ELAC1: variants seen among roughly 807,000 people sequenced by gnomAD.
ELAC1 encodes the protein elaC ribonuclease Z 1.
ELAC1 carries 19 observed loss-of-function variants against 25.8 expected under a neutral mutation model. That is an observed-to-expected ratio of 0.74 (90% confidence interval 0.51 to 1.08). The LOEUF is 1.08. Among genes scored for constraint, ELAC1 ranks in the 50% least tolerant of loss-of-function variants. The pLI is 0.00. For synonymous variants in ELAC1, 148 were observed against 160.9 expected, an observed-to-expected ratio of 0.92 and a Z score of 0.61; for missense variants, 403 against 434.6, an observed-to-expected ratio of 0.93 and a Z score of 0.65.
chr18:50,982,325 G>T (rs1907973459), intron 2 of ELAC1, among the ~76,000 whole-genome samples: 1 of 152,210 alleles, frequency 6.6e-6, no homozygotes. Context: ...CAATCAGCCT[G>T]TGCCAATCTG....
rs370472349 is a variant in ELAC1 at position 50,974,495 on chromosome 18, G to A, written c.91G>A (p.Glu31Lys). ...TGCTGTGGTCCTTCGGTGTGAAGGC[G>A]AGTGCTGGCTCTTTGACTGTGGGGA... ...ASAVVLRCEG[E>K]CWLFDCGEGT... The change falls in exon 2 of 4, where the codon GAG becomes AAG. Residue 31 changes from glutamate (E) to lysine (K), a missense_variant. By Grantham distance (56) the Glu-to-Lys change is moderately conservative (BLOSUM62 1). Transcript: ENST00000269466. 3 of 1,612,162 alleles carry A rather than the reference G, an allele frequency of 1.9e-6. No homozygotes were observed. Among genetic ancestry groups the A allele is most frequent in the Non-Finnish European group, 1.7e-6 (2 of 1,179,254 alleles).
chr18:50,979,697 T>C (rs539185211), intron 2 of ELAC1, among the ~76,000 whole-genome samples: 24 of 152,244 alleles, frequency 1.6e-4, no homozygotes, highest in African/African-American at 4.8e-4. Flanking sequence ...ACCACAAGTA[T>C]ATTTTACAGT....
chr18:50,978,687 T>C (rs1193295196), intron 2 of ELAC1, among the ~76,000 whole-genome samples: 3 of 152,134 alleles, frequency 2.0e-5, no homozygotes, highest in Non-Finnish European at 4.4e-5. Context: ...AATGAGGATA[T>C]TGAAGTATAG....
intron 3 of ELAC1, among the ~76,000 whole-genome samples, chr18:50,986,011 C>CTT (rs34348056): frequency 0.031 from 2,594 of 84,920 alleles, 23 homozygotes; most frequent in East Asian, 0.04. Context: ...TTGATTATAT[C>CTT]TTTTTTTTTT....
intron 2 of ELAC1, among the ~76,000 whole-genome samples, chr18:50,982,214 A>G (rs1907970261): frequency 6.6e-6 from 1 of 152,154 alleles, no homozygotes; most frequent in Non-Finnish European, 1.5e-5. Flanking sequence ...CAACCCGGAC[A>G]GGGAGACGGG....
chr18:50,970,059 G>T (rs1390362216), intron 1 of ELAC1, among the ~76,000 whole-genome samples: 1 of 152,132 alleles, frequency 6.6e-6, no homozygotes, highest in East Asian at 1.9e-4. Context: ...GTTCTGGGAT[G>T]GAGCCCAATT....
chr18:50,980,763 GAAA>G (rs761954317), intron 2 of ELAC1, among the ~76,000 whole-genome samples: 1 of 67,826 alleles, frequency 1.5e-5, no homozygotes, highest in Non-Finnish European at 3.3e-5. Flanking sequence ...ACTCCATCTC[GAAA>G]AAAAAAAAAA....
At chr18:50,981,604 G>C (rs1460575489) in intron 2 of ELAC1, among the ~76,000 whole-genome samples, 1 of 152,018 alleles carries the variant, frequency 6.6e-6, no homozygotes, top group East Asian at 1.9e-4. Flanking sequence ...TGATAATTGT[G>C]GTTGCCATTC....
At chr18:50,984,597 C>T in intron 3 of ELAC1, 34 bp downstream of exon 3, 1 of 1,486,890 alleles carries the variant, frequency 6.7e-7, no homozygotes, top group South Asian at 1.2e-5. Context: ...TTTTTCCCGC[C>T]TTCTCATCAA....
intron 2 of ELAC1, among the ~76,000 whole-genome samples, chr18:50,980,687 C>T (rs1316789138): frequency 1.3e-5 from 2 of 149,794 alleles, no homozygotes; most frequent in African/African-American, 4.9e-5. Context: ...CGCTTGAACC[C>T]AGGAGGCGGA....
At chr18:50,972,469 TTGTA>T (rs571227087) in intron 1 of ELAC1, among the ~76,000 whole-genome samples, 25 of 151,988 alleles carry the variant, frequency 1.6e-4, no homozygotes, top group Admixed American at 6.5e-5. Context: ...ATATTATTGT[TTGTA>T]TGTATGTATG....
chr18:50,970,964 C>T (rs1907636898), intron 1 of ELAC1, among the ~76,000 whole-genome samples: 1 of 152,102 alleles, frequency 6.6e-6, no homozygotes, highest in Non-Finnish European at 1.5e-5. Flanking sequence ...TGTAACTTTT[C>T]TCCTTGTCAT....
intron 2 of ELAC1, among the ~76,000 whole-genome samples, chr18:50,978,118 A>G (rs1251277925): frequency 6.6e-6 from 1 of 152,112 alleles, no homozygotes; most frequent in Non-Finnish European, 1.5e-5. Flanking sequence ...CTGTCTTCTG[A>G]GCCCTCCAAG....
intron 2 of ELAC1, among the ~76,000 whole-genome samples, chr18:50,979,411 G>A (rs1907882328): frequency 6.6e-6 from 1 of 152,162 alleles, no homozygotes; most frequent in African/African-American, 2.4e-5. Context: ...CCTTACAGTG[G>A]TAGGACAGTC....
intron 1 of ELAC1, among the ~76,000 whole-genome samples, chr18:50,970,694 C>CAAA (rs10643378): frequency 1.1e-5 from 1 of 88,172 alleles, no homozygotes; most frequent in African/African-American, 3.8e-5. Context: ...GACACATTTC[C>CAAA]AAAAAAAAAA....
Position 50,984,271 on chromosome 18 carries a change from C to T in ELAC1, c.333C>T (p.His111=), listed in dbSNP as rs1908038929. The change falls in exon 3 of 4, where the codon CAC becomes CAT. Residue 111 remains histidine, a synonymous_variant. Coordinates refer to ENST00000269466, the MANE Select transcript of ELAC1 (RefSeq NM_018696.3). ...DFIWRTMELS[H]TELVFHYVVH... ...TCTGGCGAACCATGGAACTCTCTCA[C>T]ACGGAGCTGGTCTTCCATTATGTGG... 6.2e-7 allele frequency: 1 copy of T among 1,614,178 alleles called. No individual in the cohort carries two copies. Among genetic ancestry groups the T allele is most frequent in the South Asian group, 1.1e-5 (1 of 91,086 alleles).
At chr18:50,985,042 T>C (rs910458665) in intron 3 of ELAC1, among the ~76,000 whole-genome samples, 1 of 152,124 alleles carries the variant, frequency 6.6e-6, no homozygotes, top group Non-Finnish European at 1.5e-5. Context: ...GGAAAATCCA[T>C]GGGGCCAAAA....
In ELAC1 at chr18:50,972,335, A is replaced by G. The variant is rs753007281; in HGVS notation, c.-8-2062A>G. 2.6e-5 allele frequency among the ~76,000 whole-genome samples: 4 copies of G among 152,118 alleles called. 1 individual carries two copies. Among genetic ancestry groups the G allele is most frequent in the Non-Finnish European group, 5.9e-5 (4 of 68,030 alleles). On this transcript the variant is annotated intron_variant, in intron 1 of 3. Coordinates refer to ENST00000269466, the MANE Select transcript of ELAC1 (RefSeq NM_018696.3). The stretch of plus-strand genomic sequence containing the variant: ...TTTTTCTCTGCTAGAATAGCCAATT[A>G]TGTCAGTGCCATTCATTAAAGAAAC...
rs1379832838 is a variant in ELAC1, at chr18:50,974,458, C to T, written c.54C>T (p.Thr18=). The T allele has an allele frequency of 2.5e-6, 4 of 1,595,846 alleles. No individual in the cohort carries two copies. The Admixed American group carries it at 5.2e-5, about 21-fold the overall frequency. Residue 18 remains threonine (T), a synonymous_variant, in exon 2 of 4, where the codon ACC becomes ACT. Coordinates refer to ENST00000269466, the MANE Select transcript of ELAC1 (RefSeq NM_018696.3). ...CGGGTGCAGCATACCCATCTCCAAC[C>T]CGGGGTGCCTCTGCTGTGGTCCTTC... ...LGTGAAYPSP[T]RGASAVVLRC...
Sources: allele counts gnomAD v4.1 joint callset (sites outside exome capture counted in the v4.1 genomes callset), GRCh38; gene constraint gnomAD v4.1.1; transcripts MANE v1.5; gene names NCBI Gene and HGNC (gene_info 2026-07-23, HGNC 2026-07-21).